RIMBP2: variants seen among roughly 807,000 people sequenced by gnomAD.
RIMBP2 encodes the protein RIMS binding protein 2, also known as RIMS-binding protein 2.
A neutral mutation model predicts 118.6 loss-of-function variants in RIMBP2; 48 were observed. That is an observed-to-expected ratio of 0.40 (90% CI 0.32 to 0.51). RIMBP2 has a LOEUF of 0.51. Ranked by LOEUF, RIMBP2 falls within the 20% of genes least tolerant of loss-of-function variation. The probability of loss-of-function intolerance (pLI) is 0.41; values close to 1 mark genes in which losing one functional copy is unlikely to be tolerated. For missense variants in RIMBP2, 1,551 were observed against 1,768.3 expected, an observed-to-expected ratio of 0.88 and a Z score of 2.20; for synonymous variants, 762 against 742.9, an observed-to-expected ratio of 1.03 and a Z score of -0.42.
intron 2 of RIMBP2, among the ~76,000 whole-genome samples, chr12:130,601,446 GCCAGCTACAT>G (rs1848826505): frequency 6.7e-6 from 1 of 149,484 alleles, no homozygotes; most frequent in Non-Finnish European, 1.5e-5. Context: ...ATGTTGAAAA[GCCAGCTACAT>G]CCATGGATTA....
In RIMBP2 at chr12:130,442,760, G is replaced by C. The variant is rs1207248297; in HGVS notation, c.692-100C>G. 12 of 1,028,846 alleles carry C rather than the reference G, an allele frequency of 1.2e-5. No individual in the cohort carries two copies. Among genetic ancestry groups the C allele is most frequent in the Non-Finnish European group, 1.5e-5 (11 of 710,910 alleles). 63.7% of individuals were successfully genotyped at this position (1,028,846 alleles called of 1,614,324 possible). A position where few individuals can be genotyped will look rare whatever the true frequency, so the allele number is the denominator to read the frequency against. ...TCCCCCACCAGGACCATAAGGCAGA[G>C]CAACAGGGTTGCCCTGGGGCTCCTC... On this transcript the variant is annotated intron_variant, in intron 10 of 22. Coordinates refer to ENST00000690449, the MANE Select transcript of RIMBP2 (RefSeq NM_001393629.1). This position sits in a 1 kb window ranked among gnomAD's most constrained non-coding sequence, Gnocchi z 6.9.
chr12:130,697,596 A>T (rs1212262727), intron 1 of RIMBP2, among the ~76,000 whole-genome samples: 1 of 152,178 alleles, frequency 6.6e-6, no homozygotes, highest in Non-Finnish European at 1.5e-5. Context: ...TTCAGGGAGG[A>T]ATATTCTGCA....
intron 20 of RIMBP2, 29 bp downstream of exon 20, chr12:130,407,697 C>T (rs549807673): frequency 1.6e-5 from 25 of 1,554,888 alleles, no homozygotes; most frequent in South Asian, 1.2e-4. Flanking sequence ...TGGTTGTGTC[C>T]GTCATGAAGT....
intron 2 of RIMBP2, among the ~76,000 whole-genome samples, chr12:130,520,244 T>C (rs575689693): frequency 3.5e-4 from 54 of 152,264 alleles, no homozygotes; most frequent in Admixed American, 1.9e-3. Flanking sequence ...GGAAAAAAGC[T>C]CAGGATCTAA....
Position 130,424,710 on chromosome 12 carries a change from C to G in RIMBP2, c.2561G>C (p.Gly854Ala). ...CCGLLHKQGA[G>A]PSPRARTGLA... ...CCCCGTCCTGGCCCTGGGGGACGGC[C>G]CTGCACCCTGCTTGTGTAGCAGCCC... The change falls in exon 16 of 23, where the codon GGG becomes GCG. Residue 854 changes from glycine to alanine, a missense_variant. Coordinates refer to ENST00000690449, the MANE Select transcript of RIMBP2 (RefSeq NM_001393629.1). This position sits in a 1 kb window ranked among gnomAD's most constrained non-coding sequence, Gnocchi z 9.8. The G allele has an allele frequency of 8.1e-7, 1 of 1,232,272 alleles. No homozygotes were observed. The highest frequency in any genetic ancestry group is 1.0e-6 in the Non-Finnish European group (1 of 988,078). 76.3% of individuals were successfully genotyped at this position (1,232,272 alleles called of 1,614,324 possible).
At position 130,695,701 on chromosome 12, in the gene RIMBP2, G is replaced by A. The variant is rs114217784; in HGVS notation, c.-352+20521C>T. Among the ~76,000 whole-genome samples the A allele has an allele frequency of 5.5e-3, 832 of 152,186 alleles. 7 individuals are homozygous for A. The highest frequency in any genetic ancestry group is 0.019 in the African/African-American group (786 of 41,524). On this transcript the variant is annotated intron_variant, in intron 1 of 22. Coordinates refer to ENST00000690449, the MANE Select transcript of RIMBP2 (RefSeq NM_001393629.1). ...CAACCCCTGTTTCTGAGTGGCAACC[G>A]ACCATTGATCAATAAGACTAGAGGC...
chr12:130,534,765 C>T (rs2053837107), intron 2 of RIMBP2, among the ~76,000 whole-genome samples: 1 of 152,172 alleles, frequency 6.6e-6, no homozygotes, highest in Non-Finnish European at 1.5e-5. Flanking sequence ...CCATGAGAGT[C>T]CAAACCCAGA....
At chr12:130,468,389 G>C (rs2080696648) in intron 6 of RIMBP2, among the ~76,000 whole-genome samples, 3 of 152,188 alleles carry the variant, frequency 2.0e-5, no homozygotes, top group Admixed American at 2.0e-4. Context: ...CAGGTCCGAG[G>C]CCGGGCCTGA....
intron 2 of RIMBP2, among the ~76,000 whole-genome samples, chr12:130,625,728 T>C (rs911772354): frequency 1.3e-5 from 2 of 152,170 alleles, no homozygotes; most frequent in Non-Finnish European, 2.9e-5. Context: ...TAGGAAAGAC[T>C]CATACACACA....
At chr12:130,629,724 T>C (rs116746680) in intron 1 of RIMBP2, among the ~76,000 whole-genome samples, 1 of 152,156 alleles carries the variant, frequency 6.6e-6, no homozygotes, top group African/African-American at 2.4e-5. Context: ...GGTAGAAAAC[T>C]ACAATCCAAG....
intron 1 of RIMBP2, among the ~76,000 whole-genome samples, chr12:130,650,845 C>T (rs2063199606): frequency 6.6e-6 from 1 of 151,270 alleles, no homozygotes; most frequent in African/African-American, 2.4e-5. Context: ...AGGCCTATGC[C>T]CTAAAAGAAA....
At chr12:130,603,287 G>A (rs970684895) in intron 2 of RIMBP2, among the ~76,000 whole-genome samples, 1 of 152,162 alleles carries the variant, frequency 6.6e-6, no homozygotes, top group Non-Finnish European at 1.5e-5. Context: ...TCAGTCAGTT[G>A]GCCCAGCTGC....
intron 18 of RIMBP2, among the ~76,000 whole-genome samples, chr12:130,413,390 G>A (rs200930487): frequency 1.3e-5 from 2 of 152,064 alleles, no homozygotes; most frequent in East Asian, 3.9e-4. Context: ...AGCACTTTGG[G>A]AGGCCAAGGC....
In RIMBP2 at chr12:130,617,134, A is replaced by T. The variant is rs1266618679; in HGVS notation, c.-217+11188T>A. 3.3e-5 allele frequency among the ~76,000 whole-genome samples: 5 copies of T among 151,984 alleles called. No homozygotes were observed. On this transcript the variant is annotated intron_variant, in intron 2 of 22. Coordinates refer to ENST00000690449, the MANE Select transcript of RIMBP2 (RefSeq NM_001393629.1). The surrounding 1 kb of genome is among the most constrained non-coding windows in gnomAD (Gnocchi z 4.6). ...GGGCCAGGCCTGGTGCTGAGACCCT[A>T]CCAGTCTCTTCTGTGTTTCATTGTC... is the stretch of plus-strand genomic sequence containing the variant.
At chr12:130,677,788 C>G (rs2064565781) in intron 1 of RIMBP2, among the ~76,000 whole-genome samples, 1 of 152,242 alleles carries the variant, frequency 6.6e-6, no homozygotes, top group Non-Finnish European at 1.5e-5. Context: ...GTGGCAATTT[C>G]CACCACTGTC....
chr12:130,495,232 G>A (rs1290610809), intron 4 of RIMBP2, among the ~76,000 whole-genome samples: 5 of 150,782 alleles, frequency 3.3e-5, no homozygotes, highest in Non-Finnish European at 7.3e-5. Context: ...AAATGATGAG[G>A]GGGGCTGCTT....
At chr12:130,481,696 G>T (rs1363803227) in intron 4 of RIMBP2, among the ~76,000 whole-genome samples, 1 of 152,146 alleles carries the variant, frequency 6.6e-6, no homozygotes, top group African/African-American at 2.4e-5. Flanking sequence ...TTCACTCTGG[G>T]GCCAGATGGG....
rs377266774 is a variant in RIMBP2 at position 130,652,827 on chromosome 12, G to A, written c.-351-24371C>T. Among the ~76,000 whole-genome samples, 12 of 152,270 alleles carry A rather than the reference G, an allele frequency of 7.9e-5. No homozygotes were observed. In the South Asian group the frequency reaches 1.2e-3, roughly 16 times the overall value. On this transcript the variant is annotated intron_variant, in intron 1 of 22. Transcript: ENST00000690449. ...ATACAAAGGGAAGCCAGCACATCAC[G>A]TGGCAAGAATGGGAGCAAGAGAGCA...
At chr12:130,554,940 G>A (rs541677684) in intron 2 of RIMBP2, among the ~76,000 whole-genome samples, 10 of 152,218 alleles carry the variant, frequency 6.6e-5, no homozygotes, top group South Asian at 4.1e-4. Flanking sequence ...GAAAGGCAAC[G>A]TTGAACAGCA....
Sources: allele counts gnomAD v4.1 joint callset (sites outside exome capture counted in the v4.1 genomes callset), GRCh38; gene constraint gnomAD v4.1.1; non-coding constraint Gnocchi (gnomAD v3.1); transcripts MANE v1.5; gene names NCBI Gene and HGNC (gene_info 2026-07-23, HGNC 2026-07-21).